ZCWPW2: variants seen among roughly 807,000 people sequenced by gnomAD.
ZCWPW2 encodes zinc finger CW-type PWWP domain protein 2.
ZCWPW2 carries 45 observed loss-of-function variants against 46.6 expected under a neutral mutation model. The observed-to-expected ratio is 0.96, with a 90% CI of 0.76 to 1.24. The LOEUF is 1.24. ZCWPW2 is among the 50% of genes most tolerant of loss of function. ZCWPW2 has a pLI of 0.00. For synonymous variants in ZCWPW2, 152 were observed against 137.1 expected (o/e 1.11, Z -0.76); for missense variants, 429 against 403.9 (o/e 1.06, Z -0.53).
At chr3:28,397,128 CAA>C (rs35842436) in intron 2 of ZCWPW2, among the ~76,000 whole-genome samples, 1 of 137,234 alleles carries the variant, frequency 7.3e-6, no homozygotes, top group Admixed American at 7.3e-5. Flanking sequence ...TACTCTGTCT[CAA>C]AAAAAAAAAA....
At chr3:28,370,150 C>T (rs1377185704) in intron 1 of ZCWPW2, among the ~76,000 whole-genome samples, 1 of 152,220 alleles carries the variant, frequency 6.6e-6, no homozygotes, top group African/African-American at 2.4e-5. Context: ...GCTTGGTGCG[C>T]TGCACCCACT....
At chr3:28,428,246 T>C (rs540331084) in intron 3 of ZCWPW2, 3 of 152,418 alleles carry the variant, frequency 2.0e-5, no homozygotes, top group Non-Finnish European at 4.4e-5. Context: ...TGACTTTCTG[T>C]TATCACTTAG....
rs376195892 is a variant in ZCWPW2, at chr3:28,440,723, G to A, written c.492+5454G>A. On this transcript the variant is annotated intron_variant, in intron 4 of 9. Transcript: ENST00000383768. ...TAGCTGTAAAGTGAGTGCCTTGGTC[G>A]GAGGCAATGCTGTGTGGAATACTAT... Among the ~76,000 whole-genome samples the A allele has an allele frequency of 3.3e-5, 5 of 152,178 alleles. 1 individual carries two copies. Among genetic ancestry groups the A allele is most frequent in the African/African-American group, 9.7e-5 (4 of 41,438 alleles).
intron 1 of ZCWPW2, among the ~76,000 whole-genome samples, chr3:28,360,535 A>T (rs1053343144): frequency 6.6e-6 from 1 of 151,710 alleles, no homozygotes; most frequent in East Asian, 1.9e-4. Flanking sequence ...AAAAAAAAAA[A>T]AAATTCTGTT....
intron 1 of ZCWPW2, among the ~76,000 whole-genome samples, chr3:28,362,808 A>G (rs879004864): frequency 6.6e-6 from 1 of 152,290 alleles, no homozygotes; most frequent in Non-Finnish European, 1.5e-5. Flanking sequence ...CAATGAATCA[A>G]CCTAAATGCC....
At chr3:28,412,917 C>T in intron 2 of ZCWPW2, 139 bp from the exon 3 acceptor site, 1 of 605,810 alleles carries the variant, frequency 1.7e-6, no homozygotes, top group Non-Finnish European at 2.8e-6. Context: ...ACGTGTTCAA[C>T]ATATGTAGTC....
chr3:28,380,279 CG>C (rs1694990235), intron 1 of ZCWPW2, among the ~76,000 whole-genome samples: 1 of 152,042 alleles, frequency 6.6e-6, no homozygotes, highest in Non-Finnish European at 1.5e-5. Flanking sequence ...CCACCACGCC[CG>C]GCCAGTTTAT....
intron 1 of ZCWPW2, among the ~76,000 whole-genome samples, chr3:28,357,308 C>T (rs929586417): frequency 2.6e-5 from 4 of 152,158 alleles, no homozygotes; most frequent in Admixed American, 6.5e-5. Flanking sequence ...AGAAGGAAAA[C>T]GTCCAAACTC....
chr3:28,436,164 A>G (rs1255725537), intron 4 of ZCWPW2, among the ~76,000 whole-genome samples: 1 of 152,140 alleles, frequency 6.6e-6, no homozygotes, highest in Non-Finnish European at 1.5e-5. Context: ...CTATTTCCAC[A>G]TATTTGGTTT....
intron 1 of ZCWPW2, among the ~76,000 whole-genome samples, chr3:28,369,041 A>T (rs1482182195): frequency 1.3e-4 from 20 of 151,906 alleles, no homozygotes; most frequent in Non-Finnish European, 2.9e-5. Flanking sequence ...TGCATTGGTT[A>T]TTCTAGTTAG....
chr3:28,492,131 A>T lies in ZCWPW2; in HGVS notation c.615A>T (p.Lys205Asn), dbSNP rs1403921811. The T allele has an allele frequency of 6.2e-7, 1 of 1,610,234 alleles. No individual in the cohort carries two copies. The highest frequency in any genetic ancestry group is 1.3e-5 in the African/African-American group (1 of 74,906). ...CCATGTTTCATTGTCTTACAGATAA[A>T]TCCGAAACACATGACAAAGTTGCTG... The part of the protein sequence containing the change: ...EMCCLSKLQD[K>N]SETHDKVAAL... Residue 205 changes from lysine (K) to asparagine (N), a missense_variant, in exon 6 of 10, where the codon AAA (lysine) becomes AAT (asparagine). By Grantham distance (94) the Lys-to-Asn change is moderately conservative (BLOSUM62 0). Transcript: ENST00000383768.
Position 28,478,865 on chromosome 3 carries a change from G to C in ZCWPW2, c.544G>C (p.Ala182Pro), listed in dbSNP as rs1699327575. ...KKWYKSALQE[A>P]CLLYGYSHEQ... ...GTGGTATAAAAGTGCACTACAAGAA[G>C]CATGTCTACTCTATGGATATTCTCA... is the stretch of plus-strand genomic sequence containing the variant. The change falls in exon 5 of 10, where the codon GCA (alanine) becomes CCA (proline). Residue 182 changes from alanine to proline, a missense_variant. Coordinates refer to ENST00000383768, the MANE Select transcript of ZCWPW2 (RefSeq NM_001040432.4). 1 of 1,585,872 alleles carries C rather than the reference G, an allele frequency of 6.3e-7. No individual in the cohort carries two copies. The highest frequency in any genetic ancestry group is 2.3e-5 in the East Asian group (1 of 43,156).
intron 4 of ZCWPW2, among the ~76,000 whole-genome samples, chr3:28,468,286 A>G (rs554834101): frequency 2.6e-5 from 4 of 152,086 alleles, no homozygotes; most frequent in Non-Finnish European, 5.9e-5. Flanking sequence ...AAAGAGAAAA[A>G]AAAAGAACGA....
intron 1 of ZCWPW2, among the ~76,000 whole-genome samples, chr3:28,379,811 A>T (rs1405904776): frequency 6.6e-6 from 1 of 152,146 alleles, no homozygotes; most frequent in Non-Finnish European, 1.5e-5. Context: ...GAAAAACGTG[A>T]CCATTTGTAG....
At chr3:28,486,350 A>G (rs186280200) in intron 5 of ZCWPW2, among the ~76,000 whole-genome samples, 4 of 152,308 alleles carry the variant, frequency 2.6e-5, no homozygotes, top group East Asian at 3.9e-4. Context: ...ACAAACATCT[A>G]TTAGATCAAT....
chr3:28,416,985 G>T (rs1378222310), intron 3 of ZCWPW2, among the ~76,000 whole-genome samples: 1 of 147,198 alleles, frequency 6.8e-6, no homozygotes, highest in Non-Finnish European at 1.5e-5. Flanking sequence ...CTCTTTTTTT[G>T]TTGTGTCTCT....
intron 2 of ZCWPW2, among the ~76,000 whole-genome samples, chr3:28,403,983 G>A (rs762627532): frequency 3.6e-4 from 55 of 152,176 alleles, no homozygotes; most frequent in South Asian, 6.2e-4. Flanking sequence ...CATTGACTTA[G>A]GCATGGACTT....
At chr3:28,376,113 G>C (rs575234526) in intron 1 of ZCWPW2, among the ~76,000 whole-genome samples, 1 of 152,058 alleles carries the variant, frequency 6.6e-6, no homozygotes, top group African/African-American at 2.4e-5. Flanking sequence ...TAGGGGTACC[G>C]ATGTCTTTTT....
At chr3:28,494,539 A>C (rs1699922839) in intron 6 of ZCWPW2, among the ~76,000 whole-genome samples, 2 of 151,602 alleles carry the variant, frequency 1.3e-5, no homozygotes, top group African/African-American at 4.8e-5. Context: ...TACCTCTCTC[A>C]CCTCTCCTAT....
Sources: allele counts gnomAD v4.1 joint callset (sites outside exome capture counted in the v4.1 genomes callset), GRCh38; gene constraint gnomAD v4.1.1; transcripts MANE v1.5; gene names NCBI Gene and HGNC (gene_info 2026-07-23, HGNC 2026-07-21).